FHIP1A: variants seen among roughly 807,000 people sequenced by gnomAD.
The protein encoded by FHIP1A is FHF complex subunit HOOK interacting protein 1A, also known as FHF complex subunit HOOK-interacting protein 1A.
A neutral mutation model predicts 88.6 loss-of-function variants in FHIP1A; 61 were observed. The ratio of observed to expected loss-of-function variants is 0.69; its 90% CI spans 0.56 to 0.85. The LOEUF (loss-of-function observed/expected upper bound fraction) is 0.85, where lower values mean the gene tolerates loss of function less well. Among genes scored for constraint, FHIP1A ranks in the 40% least tolerant of loss-of-function variants. The probability of loss-of-function intolerance (pLI) is 0.00; values close to 1 mark genes in which losing one functional copy is unlikely to be tolerated. For missense variants in FHIP1A, 1,154 were observed against 1,273.5 expected (o/e 0.91, Z 1.43); for synonymous variants, 478 against 496.0 (o/e 0.96, Z 0.48).
chr4:151,598,109 G>A (rs112577749), intron 7 of FHIP1A, among the ~76,000 whole-genome samples: 1 of 152,128 alleles, frequency 6.6e-6, no homozygotes, highest in Admixed American at 6.5e-5. Flanking sequence ...AGCTAGCTCA[G>A]TGTCTGCCCA....
intron 13 of FHIP1A, among the ~76,000 whole-genome samples, chr4:151,657,392 G>A (rs1005522953): frequency 1.3e-5 from 2 of 152,024 alleles, no homozygotes; most frequent in African/African-American, 4.8e-5. Flanking sequence ...ACTGGGAGAA[G>A]TAAAGTTTAT....
chr4:151,578,179 T>A, intron 5 of FHIP1A, 103 bp downstream of exon 5: 1 of 1,032,846 alleles, frequency 9.7e-7, no homozygotes, highest in Non-Finnish European at 1.4e-6. Flanking sequence ...CAGTAAGTTG[T>A]ACTTGGCACT....
chr4:151,485,919 A>T (rs755131414), intron 3 of FHIP1A, among the ~76,000 whole-genome samples: 1 of 152,172 alleles, frequency 6.6e-6, no homozygotes, highest in African/African-American at 2.4e-5. Flanking sequence ...CCTCTAGGTC[A>T]GCAGTCTCCA....
chr4:151,583,024 G>T (rs28618192), intron 5 of FHIP1A, among the ~76,000 whole-genome samples: 5,164 of 151,990 alleles, frequency 0.034, 300 homozygotes, highest in African/African-American at 0.12. Flanking sequence ...TATCTTTCTT[G>T]CCTGTATTAG....
chr4:151,522,230 G>A (rs1731472359), intron 3 of FHIP1A, among the ~76,000 whole-genome samples: 1 of 152,150 alleles, frequency 6.6e-6, no homozygotes, highest in Non-Finnish European at 1.5e-5. Context: ...CCAGCCTTCA[G>A]TGCTGATCCA....
intron 3 of FHIP1A, among the ~76,000 whole-genome samples, chr4:151,530,146 A>G (rs1364603211): frequency 6.6e-6 from 1 of 152,156 alleles, no homozygotes; most frequent in Non-Finnish European, 1.5e-5. Context: ...TAAATTCAGG[A>G]TTGGAGTGGG....
At chr4:151,574,138 A>G (rs1210924496) in intron 4 of FHIP1A, among the ~76,000 whole-genome samples, 1 of 152,238 alleles carries the variant, frequency 6.6e-6, no homozygotes, top group Non-Finnish European at 1.5e-5. Flanking sequence ...ACATGTGGCA[A>G]CACAAGCATA....
chr4:151,648,991 A>G (rs1356528392), intron 10 of FHIP1A, among the ~76,000 whole-genome samples: 1 of 152,108 alleles, frequency 6.6e-6, no homozygotes, highest in Non-Finnish European at 1.5e-5. Flanking sequence ...GAATGAGTTA[A>G]TAGGCTTTTC....
chr4:151,638,697 A>G lies in FHIP1A; in HGVS notation c.1167A>G (p.Ala389=). The change falls in exon 9 of 14, where the codon GCA becomes GCG. Residue 389 remains alanine (A), a synonymous_variant. Coordinates refer to ENST00000435205, the MANE Select transcript of FHIP1A (RefSeq NM_001109977.3). The part of the protein sequence containing the change: ...TPFRLCVVSL[A]LFRTLIGLHC... ...CCCAGCTTTGTGTGGTGTCTCTGGC[A>G]TTATTCAGAACTCTCATTGGTTTAC... 1.3e-6 allele frequency: 2 copies of G among 1,549,908 alleles called. No individual in the cohort carries two copies. Among genetic ancestry groups the G allele is most frequent in the Non-Finnish European group, 1.7e-6 (2 of 1,145,762 alleles).
chr4:151,486,274 G>T (rs978514993), intron 3 of FHIP1A, among the ~76,000 whole-genome samples: 5 of 152,116 alleles, frequency 3.3e-5, no homozygotes, highest in African/African-American at 1.2e-4. Flanking sequence ...ATTCTGATAT[G>T]TGCTATTGTG....
At chr4:151,572,993 A>G (rs191514281) in intron 4 of FHIP1A, among the ~76,000 whole-genome samples, 11 of 152,268 alleles carry the variant, frequency 7.2e-5, no homozygotes, top group African/African-American at 7.2e-5. Flanking sequence ...ATTCAGGCCA[A>G]TTATCATTGG....
At chr4:151,637,125 A>G (rs1362583398) in intron 8 of FHIP1A, among the ~76,000 whole-genome samples, 1 of 152,108 alleles carries the variant, frequency 6.6e-6, no homozygotes, top group African/African-American at 2.4e-5. Context: ...GCAAAATAAT[A>G]AGGCTGAATC....
chr4:151,645,405 A>C (rs1016058597), intron 9 of FHIP1A, among the ~76,000 whole-genome samples: 1 of 152,052 alleles, frequency 6.6e-6, no homozygotes, highest in African/African-American at 2.4e-5. Flanking sequence ...ATCAGTTGGG[A>C]ATATCAACTT....
intron 3 of FHIP1A, among the ~76,000 whole-genome samples, chr4:151,558,682 C>G (rs901865423): frequency 5.3e-5 from 8 of 152,256 alleles, no homozygotes; most frequent in Non-Finnish European, 5.9e-5. Flanking sequence ...TTACTTTGAC[C>G]GATTTCGTTG....
chr4:151,633,181 T>C (rs1014262538), intron 8 of FHIP1A, among the ~76,000 whole-genome samples: 1 of 151,786 alleles, frequency 6.6e-6, no homozygotes, highest in Admixed American at 6.6e-5. Flanking sequence ...CAAACAATTA[T>C]ACACCAACAA....
At chr4:151,443,202 A>T (rs1313631504) in intron 1 of FHIP1A, among the ~76,000 whole-genome samples, 1 of 152,142 alleles carries the variant, frequency 6.6e-6, no homozygotes, top group African/African-American at 2.4e-5. Context: ...GGAGGCTGAG[A>T]TAGGACGATC....
chr4:151,579,479 T>C (rs1733942513), intron 5 of FHIP1A, among the ~76,000 whole-genome samples: 1 of 152,222 alleles, frequency 6.6e-6, no homozygotes, highest in Non-Finnish European at 1.5e-5. Flanking sequence ...TTTTAGCTTA[T>C]TTGAATTGTT....
chr4:151,578,027 A>ATACGGC lies in FHIP1A; in HGVS notation c.683_684insTACGGC (p.Glu228delinsAspThrAla). 6.4e-7 allele frequency: 1 copy of ATACGGC among 1,550,762 alleles called. No homozygotes were observed. The highest frequency in any genetic ancestry group is 1.2e-5 in the South Asian group (1 of 84,002). On this transcript the variant is annotated protein_altering_variant, in exon 5 of 14. Transcript: ENST00000435205. Reference sequence around the variant, plus strand: ...CTCTTCATCATGTCTCTTTCTGCTGAGAACACCATGGTGGCCCATCACATC... The same window carrying ATACGGC: ...CTCTTCATCATGTCTCTTTCTGCTGATACGGCGAACACCATGGTGGCCCATCACATC...
chr4:151,450,267 T>A (rs562370977), intron 1 of FHIP1A, among the ~76,000 whole-genome samples: 7 of 151,806 alleles, frequency 4.6e-5, no homozygotes, highest in Non-Finnish European at 1.0e-4. Flanking sequence ...ATAGTTTTTT[T>A]ATATATTCTT....
Sources: allele counts gnomAD v4.1 joint callset (sites outside exome capture counted in the v4.1 genomes callset), GRCh38; gene constraint gnomAD v4.1.1; transcripts MANE v1.5; gene names NCBI Gene and HGNC (gene_info 2026-07-23, HGNC 2026-07-21).